The following EIF3A variants were observed in gnomAD, a reference collection of about 807,000 sequenced individuals.
EIF3A encodes EIF3, p180 subunit.
A neutral mutation model predicts 186.6 loss-of-function variants in EIF3A; 21 were observed. That is an observed-to-expected ratio of 0.11 (90% CI 0.08 to 0.16). EIF3A has a LOEUF of 0.16. Among genes scored for constraint, EIF3A ranks in the 10% least tolerant of loss-of-function variants. The pLI is 1.00. For missense variants in EIF3A, 1,306 were observed against 1,796.3 expected (o/e 0.73, Z 4.93); for synonymous variants, 563 against 584.3 (o/e 0.96, Z 0.52).
intron 19 of EIF3A, 57 bp from the exon 20 acceptor site, chr10:119,038,496 T>A: frequency 7.1e-7 from 1 of 1,414,646 alleles, no homozygotes; most frequent in Non-Finnish European, 9.8e-7. Flanking sequence ...AGAAACAGAT[T>A]GGCAATCATG....
At chr10:119,074,766 TCTACTAAAAATACAA>T (rs1844133118) in intron 1 of EIF3A, among the ~76,000 whole-genome samples, 3 of 151,220 alleles carry the variant, frequency 2.0e-5, no homozygotes, top group Admixed American at 2.0e-4. Context: ...AAACCAAGTC[TCTACTAAAAATACAA>T]AATTAGCAGG....
intron 17 of EIF3A, among the ~76,000 whole-genome samples, chr10:119,045,753 A>G (rs1335108155): frequency 6.6e-6 from 1 of 152,136 alleles, no homozygotes; most frequent in East Asian, 1.9e-4. Flanking sequence ...TTGTGGAGAC[A>G]GGGTCTCACT....
At chr10:119,079,559 C>A (rs1016757121) in intron 1 of EIF3A, among the ~76,000 whole-genome samples, 1 of 151,522 alleles carries the variant, frequency 6.6e-6, no homozygotes, top group Admixed American at 6.6e-5. Flanking sequence ...CATGCCCTAA[C>A]GATTAGAAAA....
chr10:119,078,271 G>A (rs1042886186), intron 1 of EIF3A, among the ~76,000 whole-genome samples: 17 of 152,228 alleles, frequency 1.1e-4, no homozygotes, highest in African/African-American at 4.1e-4. Context: ...TACAGGATAC[G>A]AAATTCTTGC....
At position 119,068,703 on chromosome 10, in the gene EIF3A, C is replaced by T. The variant is rs1458495155; in HGVS notation, c.950+743G>A. 5.5e-5 allele frequency among the ~76,000 whole-genome samples: 8 copies of T among 145,196 alleles called. No homozygotes were observed. The South Asian group carries it at 8.9e-4, about 16-fold the overall frequency. On this transcript the variant is annotated intron_variant, in intron 6 of 21. Coordinates refer to ENST00000369144, the MANE Select transcript of EIF3A (RefSeq NM_003750.4). ...AATAAAATAAAATACAAGTCAGGCG[C>T]GGTGGCTCACTCCTGTAATCCCAGC... is the stretch of plus-strand genomic sequence containing the variant.
chr10:119,078,964 G>T (rs1234569850), intron 1 of EIF3A, among the ~76,000 whole-genome samples: 1 of 152,128 alleles, frequency 6.6e-6, no homozygotes, highest in Non-Finnish European at 1.5e-5. Context: ...AAAAATACCT[G>T]TTGGGCAAAG....
intron 17 of EIF3A, among the ~76,000 whole-genome samples, chr10:119,049,058 C>G (rs1012527818): frequency 2.6e-5 from 4 of 152,178 alleles, no homozygotes; most frequent in African/African-American, 7.2e-5. Flanking sequence ...GACACGCATG[C>G]GCAAAAGTAT....
intron 19 of EIF3A, 91 bp from the exon 20 acceptor site, chr10:119,038,530 C>T: frequency 9.6e-7 from 1 of 1,038,342 alleles, no homozygotes; most frequent in Non-Finnish European, 1.4e-6. Context: ...ATTAATTCAT[C>T]ATCATTCTAA....
chr10:119,042,513 C>A lies in EIF3A; in HGVS notation c.3007G>T (p.Asp1003Tyr). Reference sequence around the variant, plus strand: ...TGACGCCAGTTTCCCCTGTCTTCATCGGCAATTCGTCTGGGAGGCCTGTCA... The same window carrying A: ...TGACGCCAGTTTCCCCTGTCTTCATAGGCAATTCGTCTGGGAGGCCTGTCA... ...DDDRPPRRIA[D>Y]EDRGNWRHAD... The change falls in exon 19 of 22, where the codon GAT becomes TAT. Residue 1003 changes from aspartate (D) to tyrosine (Y), a missense_variant. By Grantham distance (160) the Asp-to-Tyr change is radical. This residue lies in a region of EIF3A where 410 missense variants were observed against 473.5 expected (regional missense o/e 0.87). Coordinates refer to ENST00000369144, the MANE Select transcript of EIF3A (RefSeq NM_003750.4). This position sits in a 1 kb window ranked among gnomAD's most constrained non-coding sequence, Gnocchi z 7.8. The A allele has an allele frequency of 6.2e-7, 1 of 1,614,198 alleles. No homozygotes were observed. The highest frequency in any genetic ancestry group is 2.2e-5 in the East Asian group (1 of 44,880).
chr10:119,057,067 GTTAA>G, intron 12 of EIF3A, 27 bp from the exon 13 acceptor site: 1 of 1,384,048 alleles, frequency 7.2e-7, no homozygotes, highest in Non-Finnish European at 1.0e-6. Flanking sequence ...ATGCACAATT[GTTAA>G]TAAAGAGAAA....
intron 6 of EIF3A, among the ~76,000 whole-genome samples, chr10:119,068,619 G>C (rs1024379461): frequency 5.3e-5 from 8 of 151,808 alleles, no homozygotes; most frequent in African/African-American, 1.7e-4. Flanking sequence ...GAGTGAGATC[G>C]CATCATTGCA....
rs747014383 is a variant in EIF3A at position 119,065,400 on chromosome 10, A to G, written c.1121T>C (p.Met374Thr). The change falls in exon 7 of 22, where the codon ATG becomes ACG. Residue 374 changes from methionine (M) to threonine (T), a missense_variant and splice_region_variant. This residue lies in a region of EIF3A where 267 missense variants were observed against 367.8 expected (regional missense o/e 0.73). Transcript: ENST00000369144. ...AAAAATCCTCAAATTAATACTAACC[A>G]TATCATTAATAAGGCCAATTCGTGT... ...PPTRIGLIND[M>T]VRFNVLQYVV... The G allele has an allele frequency of 2.5e-6, 4 of 1,606,548 alleles. No homozygotes were observed. The highest frequency in any genetic ancestry group is 2.2e-5 in the East Asian group (1 of 44,842).
At chr10:119,076,188 T>G (rs1329334869) in intron 1 of EIF3A, among the ~76,000 whole-genome samples, 1 of 151,262 alleles carries the variant, frequency 6.6e-6, no homozygotes, top group African/African-American at 2.4e-5. Flanking sequence ...AAAAATTAGC[T>G]GGGCCATGGT....
At position 119,070,876 on chromosome 10, in the gene EIF3A, T is replaced by A; in HGVS notation, c.741+10A>T. 6.2e-7 allele frequency: 1 copy of A among 1,602,096 alleles called. No homozygotes were observed. Among genetic ancestry groups the A allele is most frequent in the South Asian group, 1.1e-5 (1 of 90,764 alleles). On this transcript the variant is annotated intron_variant, in intron 5 of 21. Coordinates refer to ENST00000369144, the MANE Select transcript of EIF3A (RefSeq NM_003750.4). ...ATTTCTAGGAAGAAAAGCTAATAGC[T>A]CCAACATACCTGCCACAATTCCATG... is the stretch of plus-strand genomic sequence containing the variant.
intron 1 of EIF3A, among the ~76,000 whole-genome samples, chr10:119,080,201 T>C (rs1435824765): frequency 1.3e-5 from 2 of 152,068 alleles, no homozygotes; most frequent in African/African-American, 2.4e-5. Flanking sequence ...CTCGCGTGCA[T>C]TGTCCCCGGG....
rs1848094935 is a variant in EIF3A, at chr10:119,034,116, C to T, written c.*1923G>A. 6.0e-6 allele frequency: 1 copy of T among 167,092 alleles called. No individual in the cohort carries two copies. Among genetic ancestry groups the T allele is most frequent in the Non-Finnish European group, 1.5e-5 (1 of 68,128 alleles). 10.4% of individuals were successfully genotyped at this position (167,092 alleles called of 1,614,324 possible). ...GTGAGTAGGCTGCTTGTTCAGCTTT[C>T]CTTTAACACCTGTTGGTAAATACTA... is the stretch of plus-strand genomic sequence containing the variant. On this transcript the variant is annotated 3_prime_UTR_variant, in exon 22 of 22. Coordinates refer to ENST00000369144, the MANE Select transcript of EIF3A (RefSeq NM_003750.4).
intron 1 of EIF3A, among the ~76,000 whole-genome samples, chr10:119,077,539 G>A (rs1436412880): frequency 6.6e-6 from 1 of 151,138 alleles, no homozygotes; most frequent in African/African-American, 2.4e-5. Context: ...TTATATACAA[G>A]AATTTAGTTC....
In EIF3A at chr10:119,036,012, AC is replaced by A. The variant is rs1416483660; in HGVS notation, c.*26del. On this transcript the variant is annotated 3_prime_UTR_variant, in exon 22 of 22. Coordinates refer to ENST00000369144, the MANE Select transcript of EIF3A (RefSeq NM_003750.4). ...GAATGTGATCAAACCTATTTAAGAC[AC>A]CAGTTTAAATCCATTATCTTGAGAC... 3 of 1,522,374 alleles carry A rather than the reference AC, an allele frequency of 2.0e-6. No homozygotes were observed. In the South Asian group the frequency reaches 3.4e-5, roughly 17 times the overall value. The allele number at this position is 1,522,374 out of a possible 1,614,324, so 94.3% of individuals were successfully genotyped here.
intron 20 of EIF3A, among the ~76,000 whole-genome samples, chr10:119,037,902 A>AG (rs1848155037): frequency 8.1e-6 from 1 of 122,830 alleles, no homozygotes; most frequent in Non-Finnish European, 1.7e-5. Flanking sequence ...TTACTTTAAG[A>AG]GGGAATTTTT....
Sources: allele counts gnomAD v4.1 joint callset (sites outside exome capture counted in the v4.1 genomes callset), GRCh38; gene constraint gnomAD v4.1.1; regional missense constraint gnomAD v4.1.1; non-coding constraint Gnocchi (gnomAD v3.1); transcripts MANE v1.5; gene names NCBI Gene and HGNC (gene_info 2026-07-23, HGNC 2026-07-21).